Variants in PCNX2 observed in about 807,000 individuals in gnomAD.
PCNX2 encodes the protein pecanex-like protein 2.
A neutral mutation model predicts 223.8 loss-of-function variants in PCNX2; 168 were observed. That is an observed-to-expected ratio of 0.75 (90% CI 0.66 to 0.85). The LOEUF is 0.85. PCNX2 is among the 40% of genes least tolerant of loss of function. PCNX2 has a pLI of 0.00. For synonymous variants in PCNX2, 1,006 were observed against 1,052.6 expected (o/e 0.96, Z 0.86); for missense variants, 2,507 against 2,675.5 (o/e 0.94, Z 1.39).
intron 25 of PCNX2, among the ~76,000 whole-genome samples, chr1:233,027,341 G>C (rs935252905): frequency 6.6e-6 from 1 of 152,044 alleles, no homozygotes; most frequent in Non-Finnish European, 1.5e-5. Context: ...AAGCAGAGAC[G>C]GTGAATGTAG....
In PCNX2 at chr1:233,227,325, C is replaced by T. The variant is rs183155622; in HGVS notation, c.2405G>A (p.Gly802Glu). The change falls in exon 10 of 34, where the codon GGA becomes GAA. Residue 802 changes from glycine (G) to glutamate (E), a missense_variant. This residue lies in a region of PCNX2 where 1,031 missense variants were observed against 1,021.7 expected (regional missense o/e 1.01). Coordinates refer to ENST00000258229, the MANE Select transcript of PCNX2 (RefSeq NM_014801.4). Reference sequence around the variant, plus strand: ...GTAAAACTGCTCTCGGTTAAATTTTCCTTGTGTTGAAGAACATGACGAGGC... The same window carrying T: ...GTAAAACTGCTCTCGGTTAAATTTTTCTTGTGTTGAAGAACATGACGAGGC... ...LEASSCSSTQ[G>E]KFNREQFYKF... 33 of 1,613,614 alleles carry T rather than the reference C, an allele frequency of 2.0e-5. No individual in the cohort carries two copies. The East Asian group carries it at 6.9e-4, about 34-fold the overall frequency.
chr1:233,121,001 C>T (rs1335714455), intron 21 of PCNX2, among the ~76,000 whole-genome samples: 2 of 151,042 alleles, frequency 1.3e-5, no homozygotes, highest in Non-Finnish European at 3.0e-5. Flanking sequence ...AGTCAATAAA[C>T]AAAAGTCAAT....
chr1:233,306,534 G>A, the PCNX2 span, among the ~76,000 whole-genome samples: 2 of 152,178 alleles, frequency 1.3e-5, no homozygotes, highest in African/African-American at 4.8e-5. Flanking sequence ...GGAAAGCAGG[G>A]CACATCTTTA....
At chr1:233,083,741 C>T (rs1673469832) in intron 23 of PCNX2, among the ~76,000 whole-genome samples, 1 of 152,130 alleles carries the variant, frequency 6.6e-6, no homozygotes, top group Non-Finnish European at 1.5e-5. Context: ...AGAACTGGAG[C>T]TCAGTGACTG....
intron 10 of PCNX2, among the ~76,000 whole-genome samples, chr1:233,224,563 T>C (rs1657582824): frequency 6.6e-6 from 1 of 152,190 alleles, no homozygotes; most frequent in Admixed American, 6.5e-5. Context: ...ATGCATATTA[T>C]GCATTTTTAC....
intron 6 of PCNX2, 39 bp downstream of exon 6, chr1:233,252,602 T>C: frequency 6.2e-7 from 1 of 1,601,340 alleles, no homozygotes; most frequent in East Asian, 2.2e-5. Flanking sequence ...TCTCATGCTT[T>C]ATGACCAAGT....
intron 12 of PCNX2, among the ~76,000 whole-genome samples, chr1:233,211,009 GT>G (rs1681782298): frequency 6.6e-6 from 1 of 152,220 alleles, no homozygotes; most frequent in South Asian, 2.1e-4. Context: ...GCAAGCAGTG[GT>G]GCCTGTGGCT....
At chr1:233,308,183 G>A in the PCNX2 span, among the ~76,000 whole-genome samples, 175 of 152,326 alleles carry the variant, frequency 1.1e-3, 3 homozygotes, top group East Asian at 0.025. Context: ...GAAGCTGGGC[G>A]TAGTGGCTCA....
intron 23 of PCNX2, among the ~76,000 whole-genome samples, chr1:233,068,142 T>G (rs1242319007): frequency 2.0e-5 from 3 of 151,902 alleles, no homozygotes; most frequent in Non-Finnish European, 4.4e-5. Context: ...ACCATAGAGG[T>G]CAGGAAGAAA....
chr1:233,258,028 C>G lies in PCNX2; in HGVS notation c.1834G>C (p.Asp612His). The G allele has an allele frequency of 6.2e-7, 1 of 1,609,592 alleles. No individual in the cohort carries two copies. The highest frequency in any genetic ancestry group is 8.5e-7 in the Non-Finnish European group (1 of 1,176,384). The stretch of plus-strand genomic sequence containing the variant: ...GAACGGAAATGACATGGAATCGCAC[C>G]TCGGAGAAGCCCACTTTCTTCATTC... ...EQNEESGLLR[D>H]NCSQEKKEEI... is the part of the protein sequence containing the mutation. The change falls in exon 5 of 34, where the codon GAT (aspartate) becomes CAT (histidine). Residue 612 changes from aspartate to histidine, a missense_variant and splice_region_variant. Asp to His is a moderately conservative substitution (Grantham distance 81). Around this residue, in one of 3 missense-constraint regions of PCNX2, gnomAD observed 1,031 missense variants for 1,021.7 expected, o/e 1.01. Coordinates refer to ENST00000258229, the MANE Select transcript of PCNX2 (RefSeq NM_014801.4).
chr1:233,135,666 A>C (rs1281548205), intron 20 of PCNX2, among the ~76,000 whole-genome samples: 1 of 152,202 alleles, frequency 6.6e-6, no homozygotes, highest in African/African-American at 2.4e-5. Flanking sequence ...TGAGAAAAGA[A>C]TCCAATTCGA....
intron 19 of PCNX2, among the ~76,000 whole-genome samples, chr1:233,144,759 A>G (rs942312120): frequency 7.2e-5 from 11 of 151,934 alleles, no homozygotes; most frequent in African/African-American, 2.7e-4. Context: ...GATTTTTGGG[A>G]GTTCTTTATA....
rs973889546 is a variant in PCNX2 at position 232,991,246 on chromosome 1, T to C, written c.5792-4706A>G. 5.9e-5 allele frequency among the ~76,000 whole-genome samples: 9 copies of C among 151,982 alleles called. 1 individual carries two copies. In the East Asian group the frequency reaches 1.2e-3, roughly 20 times the overall value. ...AGGCTGTGTGAGTAAGCGAAGGAGC[T>C]GCAAGCCTGGGAGAGGGACACTGGG... On this transcript the variant is annotated intron_variant, in intron 32 of 33. Transcript: ENST00000258229. The surrounding 1 kb of genome is among the most constrained non-coding windows in gnomAD (Gnocchi z 4.3).
At chr1:233,246,787 G>T (rs1279640836) in intron 8 of PCNX2, among the ~76,000 whole-genome samples, 4 of 152,136 alleles carry the variant, frequency 2.6e-5, no homozygotes, top group African/African-American at 9.7e-5. Context: ...ATACAGCGAT[G>T]ACACCCCCAG....
At chr1:233,161,960 T>TTATATA (rs917039649) in intron 17 of PCNX2, among the ~76,000 whole-genome samples, 3 of 147,546 alleles carry the variant, frequency 2.0e-5, no homozygotes, top group African/African-American at 7.4e-5. Context: ...AAATTATTTT[T>TTATATA]TATATATATA....
Position 233,037,502 on chromosome 1 carries a change from T to TTTTCTTTCTTTCTTTCTTTCTTTCTTTC in PCNX2, c.4352-12104_4352-12103insGAAAGAAAGAAAGAAAGAAAGAAAGAAA, listed in dbSNP as rs149916555. Among the ~76,000 whole-genome samples, 630 of 150,958 alleles carry TTTTCTTTCTTTCTTTCTTTCTTTCTTTC rather than the reference T, an allele frequency of 4.2e-3. 2 individuals are homozygous for TTTTCTTTCTTTCTTTCTTTCTTTCTTTC. The highest frequency in any genetic ancestry group is 6.8e-3 in the Non-Finnish European group (459 of 67,842). ...GGCACAACCACACCTACCTGATTGA[T>TTTTCTTTCTTTCTTTCTTTCTTTCTTTC]TTTCTTTCTTTCTTTCTTTCTTTTT... On this transcript the variant is annotated intron_variant, in intron 25 of 33. Coordinates refer to ENST00000258229, the MANE Select transcript of PCNX2 (RefSeq NM_014801.4).
chr1:233,185,417 A>C (rs1336086719), intron 15 of PCNX2, among the ~76,000 whole-genome samples: 1 of 152,184 alleles, frequency 6.6e-6, no homozygotes, highest in African/African-American at 2.4e-5. Flanking sequence ...CCACCACCTT[A>C]AACGTGTATA....
rs1558314387 is a variant in PCNX2 at position 233,179,074 on chromosome 1, A to G, written c.3168T>C (p.Ser1056=). Residue 1056 remains serine, a synonymous_variant, in exon 16 of 34, where the codon TCT becomes TCC. Coordinates refer to ENST00000258229, the MANE Select transcript of PCNX2 (RefSeq NM_014801.4). ...YHLSRQSSDP[S]VLMSFIQCRL... ...AGGCATAGACCACTCACATGAGTAC[A>G]GATGGGTCACTGCTCTGACGGCTCA... is the stretch of plus-strand genomic sequence containing the variant. 2 of 1,613,704 alleles carry G rather than the reference A, an allele frequency of 1.2e-6. No individual in the cohort carries two copies. Among genetic ancestry groups the G allele is most frequent in the Non-Finnish European group, 1.7e-6 (2 of 1,179,714 alleles).
At chr1:233,181,933 T>C (rs1292729459) in intron 15 of PCNX2, among the ~76,000 whole-genome samples, 1 of 152,224 alleles carries the variant, frequency 6.6e-6, no homozygotes, top group Non-Finnish European at 1.5e-5. Flanking sequence ...GTCTATAGCA[T>C]ACACTATCCC....
Sources: allele counts gnomAD v4.1 joint callset (sites outside exome capture counted in the v4.1 genomes callset), GRCh38; gene constraint gnomAD v4.1.1; regional missense constraint gnomAD v4.1.1; non-coding constraint Gnocchi (gnomAD v3.1); transcripts MANE v1.5; gene names NCBI Gene and HGNC (gene_info 2026-07-23, HGNC 2026-07-21).